Variants in ZNF479 observed in about 807,000 individuals in gnomAD.
ZNF479 encodes the protein KRAB zinc finger protein KR19.
In ZNF479, 15 loss-of-function variants were observed where a neutral mutation model predicts 14.7. The observed-to-expected ratio is 1.02, with a 90% CI of 0.68 to 1.57. ZNF479 has a LOEUF of 1.57. Ranked by LOEUF, ZNF479 falls within the 40% of genes most tolerant of loss-of-function variation. The pLI, the probability that ZNF479 is intolerant of heterozygous loss-of-function variation, is 0.00. For missense variants in ZNF479, 506 were observed against 615.1 expected (o/e 0.82, Z 1.88); for synonymous variants, 145 against 211.5 (o/e 0.69, Z 2.73).
Position 57,120,272 on chromosome 7 carries a change from G to A in ZNF479, c.1143C>T (p.Tyr381=), listed in dbSNP as rs782718153. The change falls in exon 4 of 4, where the codon TAC becomes TAT. Residue 381 remains tyrosine, a synonymous_variant. Transcript: ENST00000319636. ...AGTCTTGGCCACATTCTTCACATGT[G>A]TAGGGTTTCTCTCCAGTATGAATTC... ...HRRIHTGEKP[Y]TCEECGQDFR... 5.6e-6 allele frequency: 9 copies of A among 1,607,522 alleles called. No individual in the cohort carries two copies. In the Admixed American group the frequency reaches 8.4e-5, roughly 15 times the overall value.
chr7:57,137,966 C>T (rs987670249), intron 1 of ZNF479, among the ~76,000 whole-genome samples: 10 of 152,164 alleles, frequency 6.6e-5, no homozygotes, highest in African/African-American at 2.2e-4. Context: ...GGCCCATCAC[C>T]TAGATGGTGT....
At chr7:57,130,441 C>G (rs1023548353) in intron 1 of ZNF479, among the ~76,000 whole-genome samples, 3 of 151,672 alleles carry the variant, frequency 2.0e-5, no homozygotes, top group Non-Finnish European at 4.4e-5. Flanking sequence ...CCACTGCACT[C>G]CAGCCTGGGT....
chr7:57,129,979 G>C (rs1403894718), intron 1 of ZNF479, among the ~76,000 whole-genome samples: 1 of 152,146 alleles, frequency 6.6e-6, no homozygotes, highest in South Asian at 2.1e-4. Context: ...CAGGGTTAGA[G>C]CTAAGGCAGT....
intron 1 of ZNF479, among the ~76,000 whole-genome samples, chr7:57,130,196 C>T (rs952613830): frequency 2.1e-4 from 32 of 152,196 alleles, no homozygotes; most frequent in African/African-American, 7.7e-4. Flanking sequence ...ATGGGCCACG[C>T]ATGTGCTGTG....
chr7:57,133,041 G>A (rs1485343047), upstream of ZNF479, among the ~76,000 whole-genome samples: 2 of 152,186 alleles, frequency 1.3e-5, no homozygotes, highest in African/African-American at 4.8e-5. Context: ...GACTGAGGCA[G>A]GAGAATTGCT....
rs553824754 is a variant in ZNF479, at chr7:57,129,577, G to C, written c.39+2709C>G. Among the ~76,000 whole-genome samples the C allele has an allele frequency of 2.8e-4, 42 of 152,200 alleles. 1 individual carries two copies. The South Asian group carries it at 8.7e-3, about 32-fold the overall frequency. On this transcript the variant is annotated intron_variant, in intron 1 of 3. Coordinates refer to ENST00000319636, the MANE Select transcript of ZNF479 (RefSeq NM_001370129.2). ...GACAACAGAAGACAGTAATGTCTGAGTGAATCTGCACCTGGGAAACCTGTA... is the reference window on the plus strand; with the variant it reads ...GACAACAGAAGACAGTAATGTCTGACTGAATCTGCACCTGGGAAACCTGTA...
At chr7:57,137,890 A>G (rs1360869591) in intron 1 of ZNF479, among the ~76,000 whole-genome samples, 1 of 152,048 alleles carries the variant, frequency 6.6e-6, no homozygotes, top group Non-Finnish European at 1.5e-5. Flanking sequence ...TAGGACCATC[A>G]CCTATGTTAT....
intron 1 of ZNF479, among the ~76,000 whole-genome samples, chr7:57,138,203 G>A (rs1786731195): frequency 1.3e-5 from 2 of 152,220 alleles, no homozygotes; most frequent in African/African-American, 4.8e-5. Context: ...ACTCACATAT[G>A]TGAACCCAGC....
At position 57,126,679 on chromosome 7, in the gene ZNF479, G is replaced by C; in HGVS notation, c.79C>G (p.Leu27Val). The change falls in exon 2 of 4, where the codon CTG (leucine) becomes GTG (valine). Residue 27 changes from leucine (L) to valine (V), a missense_variant. Physicochemically the swap from Leu to Val is conservative, Grantham distance 32. Around this residue, in one of 3 missense-constraint regions of ZNF479, gnomAD observed 420 missense variants for 474.2 expected, o/e 0.89. Transcript: ENST00000319636. The part of the protein sequence containing the change: ...TFRDIAIEFS[L>V]EEWQCLDCAQ... ...CAATCCAGGCATTGCCATTCCTCCA[G>C]AGAGAATTCTATAGCTATGTCTCTG... 1 of 1,613,778 alleles carries C rather than the reference G, an allele frequency of 6.2e-7. No homozygotes were observed. Among genetic ancestry groups the C allele is most frequent in the South Asian group, 1.1e-5 (1 of 91,072 alleles).
upstream of ZNF479, among the ~76,000 whole-genome samples, chr7:57,133,471 G>A (rs1368529064): frequency 3.3e-5 from 5 of 152,068 alleles, no homozygotes; most frequent in Non-Finnish European, 7.4e-5. Context: ...ACTAATACAT[G>A]CGGGCAGCCT....
chr7:57,123,785 A>T (rs1328279382), intron 3 of ZNF479, among the ~76,000 whole-genome samples: 1 of 152,150 alleles, frequency 6.6e-6, no homozygotes, highest in South Asian at 2.1e-4. Context: ...GTGAGCCAAG[A>T]TTGTGCTACT....
At chr7:57,129,828 T>A (rs1237696896) in intron 1 of ZNF479, among the ~76,000 whole-genome samples, 4 of 152,138 alleles carry the variant, frequency 2.6e-5, no homozygotes, top group African/African-American at 7.2e-5. Context: ...AATAATTCAA[T>A]ACAAAAAAAC....
upstream of ZNF479, among the ~76,000 whole-genome samples, chr7:57,134,085 T>A (rs1786542339): frequency 2.0e-5 from 3 of 152,206 alleles, no homozygotes; most frequent in South Asian, 6.2e-4. Context: ...CCTGTAGCTA[T>A]GTCAGAGGCA....
At chr7:57,126,894 ACT>A (rs1786192100) in intron 1 of ZNF479, among the ~76,000 whole-genome samples, 176 bp from the exon 2 acceptor site, 1 of 152,150 alleles carries the variant, frequency 6.6e-6, no homozygotes, top group African/African-American at 2.4e-5. Context: ...GTATTCTCTA[ACT>A]CTGAGAAAAG....
chr7:57,119,676 C>T lies in ZNF479; in HGVS notation c.*164G>A. 1.4e-6 allele frequency: 1 copy of T among 715,518 alleles called. No homozygotes were observed. The highest frequency in any genetic ancestry group is 2.3e-6 in the Non-Finnish European group (1 of 433,494). 44.3% of individuals were successfully genotyped at this position (715,518 alleles called of 1,614,324 possible). On this transcript the variant is annotated 3_prime_UTR_variant, in exon 4 of 4. Coordinates refer to ENST00000319636, the MANE Select transcript of ZNF479 (RefSeq NM_001370129.2). ...TGAGGGTTGGTTAAAGGCTTTGTTA[C>T]ATTTTTTTACATTTATAAAATTTCT... is the stretch of plus-strand genomic sequence containing the variant.
rs1374194857 is a variant in ZNF479 at position 57,117,867 on chromosome 7, G to A, written c.*1973C>T. Among the ~76,000 whole-genome samples, 1 of 152,236 alleles carries A rather than the reference G, an allele frequency of 6.6e-6. No individual in the cohort carries two copies. The highest frequency in any genetic ancestry group is 1.5e-5 in the Non-Finnish European group (1 of 68,044). ...AGAAACTATTTTTTTATAGAAGAAAGAAGCATACCTCGAAGGTAATTATGA... is the reference window on the plus strand; with the variant it reads ...AGAAACTATTTTTTTATAGAAGAAAAAAGCATACCTCGAAGGTAATTATGA... On this transcript the variant is annotated 3_prime_UTR_variant, in exon 4 of 4. Coordinates refer to ENST00000319636, the MANE Select transcript of ZNF479 (RefSeq NM_001370129.2).
intron 3 of ZNF479, among the ~76,000 whole-genome samples, chr7:57,123,685 T>C (rs1321136827): frequency 1.3e-5 from 2 of 151,944 alleles, no homozygotes; most frequent in Non-Finnish European, 2.9e-5. Context: ...AATTCAAAAT[T>C]AGCTGAGCAT....
upstream of ZNF479, among the ~76,000 whole-genome samples, chr7:57,137,120 A>C (rs2115911713): frequency 6.6e-6 from 1 of 152,300 alleles, no homozygotes; most frequent in Non-Finnish European, 1.5e-5. Flanking sequence ...TAAGAGAATT[A>C]AATAATTTTT....
chr7:57,123,517 T>C (rs189278286), intron 3 of ZNF479, among the ~76,000 whole-genome samples: 2 of 152,294 alleles, frequency 1.3e-5, no homozygotes, highest in African/African-American at 4.8e-5. Context: ...TGCGTTCTGT[T>C]AGAACACATA....
Sources: allele counts gnomAD v4.1 joint callset (sites outside exome capture counted in the v4.1 genomes callset), GRCh38; gene constraint gnomAD v4.1.1; regional missense constraint gnomAD v4.1.1; transcripts MANE v1.5; gene names NCBI Gene and HGNC (gene_info 2026-07-23, HGNC 2026-07-21).